The following GPHN variants were observed in gnomAD, a reference collection of about 807,000 sequenced individuals.
The protein encoded by GPHN is gephyrin.
A neutral mutation model predicts 95.5 loss-of-function variants in GPHN; 17 were observed. The ratio of observed to expected loss-of-function variants is 0.18; its 90% confidence interval spans 0.12 to 0.27. The LOEUF (loss-of-function observed/expected upper bound fraction) is 0.27. Among genes scored for constraint, GPHN ranks in the 10% least tolerant of loss-of-function variants. GPHN has a pLI of 1.00. For synonymous variants in GPHN, 320 were observed against 322.5 expected, an observed-to-expected ratio of 0.99 and a Z score of 0.08; for missense variants, 660 against 978.1, an observed-to-expected ratio of 0.67 and a Z score of 4.34.
the GPHN span, among the ~76,000 whole-genome samples, chr14:67,290,207 G>A: frequency 6.6e-6 from 1 of 152,142 alleles, no homozygotes; most frequent in African/African-American, 2.4e-5. Flanking sequence ...AGGAAAGAGG[G>A]AATGGGAGGT....
chr14:67,585,901 C>A, the GPHN span: 1 of 1,570,160 alleles, frequency 6.4e-7, no homozygotes, highest in Non-Finnish European at 8.6e-7. Flanking sequence ...GTTCCTAGCT[C>A]AGGGGACAGG....
chr14:67,239,287 T>C, the GPHN span, among the ~76,000 whole-genome samples: 1 of 152,230 alleles, frequency 6.6e-6, no homozygotes, highest in Middle Eastern at 3.2e-3. Flanking sequence ...CTGCAGTCCT[T>C]ACCTGAAGAT....
At chr14:67,330,007 A>T in the GPHN span, among the ~76,000 whole-genome samples, 1 of 151,124 alleles carries the variant, frequency 6.6e-6, no homozygotes, top group East Asian at 1.9e-4. Flanking sequence ...TAAAGATGTG[A>T]TTTTTTTCTT....
intron 13 of GPHN, among the ~76,000 whole-genome samples, chr14:67,104,817 G>A: frequency 6.6e-6 from 1 of 151,786 alleles, no homozygotes; most frequent in East Asian, 1.9e-4. Flanking sequence ...TTCATCTTTT[G>A]TGGTTTTTTA....
intron 18 of GPHN, among the ~76,000 whole-genome samples, chr14:67,159,201 C>T (rs2081817209): frequency 6.6e-6 from 1 of 152,086 alleles, no homozygotes; most frequent in African/African-American, 2.4e-5. Context: ...TAGACTGGTA[C>T]TCATCATATA....
At chr14:67,452,314 A>T in the GPHN span, among the ~76,000 whole-genome samples, 1 of 142,642 alleles carries the variant, frequency 7.0e-6, no homozygotes, top group Non-Finnish European at 1.5e-5. Flanking sequence ...TGACAGAGTG[A>T]GACTCTGTCT....
chr14:66,727,076 C>G (rs1436990382), intron 2 of GPHN, among the ~76,000 whole-genome samples: 1 of 152,044 alleles, frequency 6.6e-6, no homozygotes, highest in Admixed American at 6.6e-5. Context: ...CTGGTCTCTC[C>G]CATGCTGTTC....
chr14:66,933,556 T>C (rs7147465), intron 8 of GPHN, among the ~76,000 whole-genome samples: 29 of 152,350 alleles, frequency 1.9e-4, no homozygotes, highest in African/African-American at 6.7e-4. Flanking sequence ...TAAAATCTTG[T>C]ATTTAGAGAC....
intron 2 of GPHN, among the ~76,000 whole-genome samples, chr14:66,742,027 A>T (rs1286197033): frequency 5.3e-5 from 8 of 151,938 alleles, no homozygotes; most frequent in African/African-American, 1.9e-4. Flanking sequence ...ATTCCAAGGG[A>T]TACATGTCAA....
At chr14:67,469,039 C>A in the GPHN span, among the ~76,000 whole-genome samples, 1 of 152,116 alleles carries the variant, frequency 6.6e-6, no homozygotes, top group Non-Finnish European at 1.5e-5. Flanking sequence ...TCTATAAAAT[C>A]TTGTTCTGAG....
the GPHN span, among the ~76,000 whole-genome samples, chr14:67,465,001 G>A: frequency 6.6e-6 from 1 of 152,228 alleles, no homozygotes; most frequent in Non-Finnish European, 1.5e-5. Flanking sequence ...TCATCCTACA[G>A]CAAGGACACA....
the GPHN span, among the ~76,000 whole-genome samples, chr14:67,629,462 A>G: frequency 3.9e-5 from 6 of 152,258 alleles, no homozygotes; most frequent in Non-Finnish European, 8.8e-5. Context: ...TTCCATTTAT[A>G]TGAAGTTTTT....
At chr14:67,221,879 G>A in the GPHN span, 12 of 1,577,534 alleles carry the variant, frequency 7.6e-6, no homozygotes, top group East Asian at 2.7e-4. Context: ...GTTCCTAGAA[G>A]AGTAGTGTGG....
the GPHN span, chr14:67,352,638 G>A: frequency 4.1e-6 from 1 of 245,370 alleles, no homozygotes; most frequent in African/African-American, 2.3e-5. Context: ...GCAGGAGAAA[G>A]AGCTAATGAA....
At chr14:66,509,215 A>C (rs1464532587) in intron 1 of GPHN, 1 of 153,744 alleles carries the variant, frequency 6.5e-6, no homozygotes, top group African/African-American at 2.4e-5. Flanking sequence ...CGGACCTCGG[A>C]AAGTGTCTGC....
At chr14:67,719,328 A>T in the GPHN span, among the ~76,000 whole-genome samples, 1 of 152,216 alleles carries the variant, frequency 6.6e-6, no homozygotes. Context: ...TCGCAATAGA[A>T]TTTGAGTGCC....
intron 4 of GPHN, among the ~76,000 whole-genome samples, chr14:66,878,226 A>C (rs1212674496): frequency 4.6e-5 from 7 of 152,206 alleles, no homozygotes; most frequent in Admixed American, 1.3e-4. Context: ...AAATTAACTC[A>C]AGATGAATTA....
intron 4 of GPHN, among the ~76,000 whole-genome samples, chr14:66,856,271 A>T (rs2062800953): frequency 6.6e-6 from 1 of 152,148 alleles, no homozygotes; most frequent in Non-Finnish European, 1.5e-5. Context: ...ATTGGAGGTG[A>T]TCTCAACTCT....
At chr14:67,652,966 A>G in the GPHN span, among the ~76,000 whole-genome samples, 1 of 151,888 alleles carries the variant, frequency 6.6e-6, no homozygotes, top group South Asian at 2.1e-4. Flanking sequence ...ATTTTTTTGT[A>G]TTTTTAGTAG....
Sources: allele counts gnomAD v4.1 joint callset (sites outside exome capture counted in the v4.1 genomes callset), GRCh38; gene constraint gnomAD v4.1.1; transcripts MANE v1.5; gene names NCBI Gene and HGNC (gene_info 2026-07-23, HGNC 2026-07-21).